Variants in TSPAN5 observed in about 807,000 individuals in gnomAD.
The protein encoded by TSPAN5 is tetraspanin 5.
Under a neutral mutation model 37.1 loss-of-function variants are expected in TSPAN5, and 10 were observed. The ratio of observed to expected loss-of-function variants is 0.27; its 90% confidence interval spans 0.17 to 0.46. The LOEUF (loss-of-function observed/expected upper bound fraction) is 0.46. Among genes scored for constraint, TSPAN5 ranks in the 20% least tolerant of loss-of-function variants. The probability of loss-of-function intolerance (pLI) is 1.00; values close to 1 mark genes in which losing one functional copy is unlikely to be tolerated. For synonymous variants in TSPAN5, 110 were observed against 118.9 expected, an observed-to-expected ratio of 0.93 and a Z score of 0.48; for missense variants, 195 against 326.6, an observed-to-expected ratio of 0.60 and a Z score of 3.11.
chr4:98,556,833 T>C (rs1041318308), intron 1 of TSPAN5, among the ~76,000 whole-genome samples: 1 of 152,226 alleles, frequency 6.6e-6, no homozygotes, highest in African/African-American at 2.4e-5. Flanking sequence ...ATTATTATCA[T>C]TCTTTGCCAA....
intron 1 of TSPAN5, among the ~76,000 whole-genome samples, chr4:98,521,462 T>C (rs1330864369): frequency 2.0e-5 from 3 of 152,158 alleles, no homozygotes; most frequent in Non-Finnish European, 4.4e-5. Context: ...TCAGGGAAAG[T>C]GTACAAAAAT....
intron 4 of TSPAN5, among the ~76,000 whole-genome samples, chr4:98,479,012 T>C (rs1752778016): frequency 6.6e-6 from 1 of 152,188 alleles, no homozygotes. Flanking sequence ...AGGGATGTGT[T>C]GGCACGTGAT....
intron 1 of TSPAN5, among the ~76,000 whole-genome samples, chr4:98,592,448 T>TTTTTTTTTTTTTTTTTTC (rs1755667937): frequency 7.9e-6 from 1 of 127,166 alleles, no homozygotes; most frequent in African/African-American, 3.0e-5. Flanking sequence ...TTTTTTTTTT[T>TTTTTTTTTTTTTTTTTTC]ATTATACTCT....
intron 1 of TSPAN5, among the ~76,000 whole-genome samples, chr4:98,610,213 G>A (rs1259580183): frequency 6.6e-6 from 1 of 152,206 alleles, no homozygotes; most frequent in Non-Finnish European, 1.5e-5. Context: ...TCATCCCATA[G>A]TGGAATGCAA....
At chr4:98,527,614 C>T (rs1375469705) in intron 1 of TSPAN5, among the ~76,000 whole-genome samples, 1 of 152,156 alleles carries the variant, frequency 6.6e-6, no homozygotes, top group Non-Finnish European at 1.5e-5. Flanking sequence ...GAAATGCTAA[C>T]ATAAAAGAAG....
intron 1 of TSPAN5, among the ~76,000 whole-genome samples, chr4:98,651,486 G>C (rs1473590667): frequency 6.6e-6 from 1 of 152,204 alleles, no homozygotes; most frequent in Non-Finnish European, 1.5e-5. Context: ...TTTCATGGTT[G>C]TACTGTGGTG....
At chr4:98,552,245 T>G (rs771130506) in intron 1 of TSPAN5, among the ~76,000 whole-genome samples, 6 of 152,214 alleles carry the variant, frequency 3.9e-5, no homozygotes, top group Non-Finnish European at 8.8e-5. Flanking sequence ...CTTGTAACTT[T>G]GAGTTTGGTT....
chr4:98,574,817 G>C (rs989439346), intron 1 of TSPAN5: 4 of 152,352 alleles, frequency 2.6e-5, no homozygotes, highest in Admixed American at 2.6e-4. Flanking sequence ...CATTACTGAA[G>C]AAGTTAGAGG....
chr4:98,564,210 C>T (rs1484998135), intron 1 of TSPAN5, among the ~76,000 whole-genome samples: 1 of 152,162 alleles, frequency 6.6e-6, no homozygotes, highest in African/African-American at 2.4e-5. Flanking sequence ...CATTAGAAAC[C>T]TAAATGATAC....
In TSPAN5 at chr4:98,642,988, T is replaced by A. The variant is rs547470985; in HGVS notation, c.81+15158A>T. Among the ~76,000 whole-genome samples, 15 of 152,320 alleles carry A rather than the reference T, an allele frequency of 9.8e-5. No homozygotes were observed. The South Asian group carries it at 3.1e-3, about 32-fold the overall frequency. Reference sequence around the variant, plus strand: ...TGAAGACAGATATTTTTTGTAAATTTAATGTAGCCTAAGTATAGTGTTAAT... The same window carrying A: ...TGAAGACAGATATTTTTTGTAAATTAAATGTAGCCTAAGTATAGTGTTAAT... On this transcript the variant is annotated intron_variant, in intron 1 of 7. Coordinates refer to ENST00000305798, the MANE Select transcript of TSPAN5 (RefSeq NM_005723.4).
intron 1 of TSPAN5, among the ~76,000 whole-genome samples, chr4:98,581,375 A>G (rs1462168223): frequency 6.6e-6 from 1 of 152,178 alleles, no homozygotes; most frequent in Non-Finnish European, 1.5e-5. Context: ...ACCCAGCTGT[A>G]TCACTACTAG....
intron 1 of TSPAN5, among the ~76,000 whole-genome samples, chr4:98,569,100 A>G (rs1056157367): frequency 6.6e-6 from 1 of 152,238 alleles, no homozygotes; most frequent in Non-Finnish European, 1.5e-5. Flanking sequence ...CCTTGATGCC[A>G]TCTGACACTT....
chr4:98,584,564 T>C (rs193009073), intron 1 of TSPAN5, among the ~76,000 whole-genome samples: 97 of 152,288 alleles, frequency 6.4e-4, no homozygotes, highest in African/African-American at 2.2e-3. Context: ...TTACACACCA[T>C]CTTCTACTTA....
At chr4:98,586,862 CCCA>C (rs750807676) in intron 1 of TSPAN5, among the ~76,000 whole-genome samples, 3 of 152,232 alleles carry the variant, frequency 2.0e-5, no homozygotes, top group Non-Finnish European at 4.4e-5. Flanking sequence ...TTCTCATATT[CCCA>C]CCAAGCCAGC....
At chr4:98,598,756 C>A (rs1299468732) in intron 1 of TSPAN5, among the ~76,000 whole-genome samples, 1 of 152,202 alleles carries the variant, frequency 6.6e-6, no homozygotes, top group East Asian at 1.9e-4. Flanking sequence ...GCATGAGCCA[C>A]CGTGCCTGGC....
intron 1 of TSPAN5, among the ~76,000 whole-genome samples, chr4:98,641,969 G>GT (rs1365107525): frequency 6.6e-6 from 1 of 152,262 alleles, no homozygotes; most frequent in East Asian, 1.9e-4. Flanking sequence ...ACAGTGAGTA[G>GT]TAAAAACTAG....
intron 1 of TSPAN5, among the ~76,000 whole-genome samples, chr4:98,636,785 AAG>A (rs1362912822): frequency 3.9e-5 from 6 of 152,218 alleles, no homozygotes; most frequent in African/African-American, 7.2e-5. Context: ...ATTCACAAAA[AAG>A]AGTTAACTAT....
At chr4:98,647,538 T>C (rs946820564) in intron 1 of TSPAN5, among the ~76,000 whole-genome samples, 1 of 152,190 alleles carries the variant, frequency 6.6e-6, no homozygotes. Flanking sequence ...AAGTGTAATT[T>C]AGAAAAATTT....
intron 2 of TSPAN5, among the ~76,000 whole-genome samples, chr4:98,500,647 C>T (rs1451927492): frequency 1.3e-5 from 2 of 152,174 alleles, no homozygotes; most frequent in South Asian, 2.1e-4. Context: ...TGAGGGGATC[C>T]AGAAGTCAGG....
Sources: gnomAD v4.1 joint callset for allele counts (sites outside exome capture counted in the v4.1 genomes callset) on GRCh38, gnomAD v4.1.1 for gene constraint, MANE v1.5 for transcripts, NCBI Gene and HGNC (gene_info 2026-07-23, HGNC 2026-07-21) for gene names.